Variants in MAMLD1 observed in about 807,000 individuals in gnomAD.
MAMLD1 encodes the protein mastermind-like domain-containing protein 1.
In MAMLD1, 14 loss-of-function variants were observed where a neutral mutation model predicts 45.0. The ratio of observed to expected loss-of-function variants is 0.31; its 90% confidence interval spans 0.21 to 0.49. MAMLD1 has a LOEUF of 0.49. MAMLD1 is among the 20% of genes least tolerant of loss of function. The pLI, the probability that MAMLD1 is intolerant of heterozygous loss-of-function variation, is 0.99. For synonymous variants in MAMLD1, 254 were observed against 247.8 expected (o/e 1.02, Z -0.24); for missense variants, 543 against 603.6 (o/e 0.90, Z 1.05).
intron 6 of MAMLD1, among the ~76,000 whole-genome samples, chrX:150,506,575 A>AT (rs1557408834): frequency 8.9e-6 from 1 of 112,028 alleles, no homozygotes; most frequent in Non-Finnish European, 1.9e-5. Flanking sequence ...ATCCAGGAAC[A>AT]TTTTGTGGGC....
intron 6 of MAMLD1, among the ~76,000 whole-genome samples, chrX:150,508,937 T>C (rs782201476): frequency 2.7e-5 from 3 of 111,672 alleles, no homozygotes; most frequent in South Asian, 7.6e-4. Context: ...GAGTCAGACC[T>C]GGATCCGAGT....
At chrX:150,482,298 C>T (rs111797197) in intron 5 of MAMLD1, among the ~76,000 whole-genome samples, 3 of 112,236 alleles carry the variant, frequency 2.7e-5, no homozygotes, top group Non-Finnish European at 5.6e-5. Context: ...CATGTGAGGT[C>T]CCTAGAGTAG....
At chrX:150,509,913 T>TGCAGGGAC (rs1557409037) in intron 6 of MAMLD1, 49 bp from the exon 7 acceptor site, 2 of 929,611 alleles carry the variant, frequency 2.2e-6, no homozygotes, top group Non-Finnish European at 3.1e-6. Context: ...TAAGGCTAAT[T>TGCAGGGAC]ATTAATTGGT....
intron 2 of MAMLD1, among the ~76,000 whole-genome samples, chrX:150,448,296 G>T (rs1225366615): frequency 9.0e-6 from 1 of 111,599 alleles, no homozygotes; most frequent in Non-Finnish European, 1.9e-5. Flanking sequence ...GCATTTTTGG[G>T]GCATTATCTC....
intron 1 of MAMLD1, among the ~76,000 whole-genome samples, chrX:150,381,044 T>C (rs2032581838): frequency 9.0e-6 from 1 of 111,016 alleles, no homozygotes; most frequent in Non-Finnish European, 1.9e-5. Flanking sequence ...CGCAGCCCCA[T>C]TTTACAAATG....
chrX:150,399,084 T>G (rs1174785935), intron 1 of MAMLD1, among the ~76,000 whole-genome samples: 1 of 111,775 alleles, frequency 8.9e-6, no homozygotes, highest in Non-Finnish European at 1.9e-5. Context: ...AGGAAGATGG[T>G]CAGAGCAGTG....
At chrX:150,393,183 AG>A (rs1398004418) in intron 1 of MAMLD1, among the ~76,000 whole-genome samples, 5 of 112,072 alleles carry the variant, frequency 4.5e-5, no homozygotes, top group African/African-American at 1.6e-4. Flanking sequence ...AATGTCATAT[AG>A]TCAGAATCAT....
chrX:150,383,806 G>T (rs782015289), intron 1 of MAMLD1, among the ~76,000 whole-genome samples: 2 of 110,849 alleles, frequency 1.8e-5, no homozygotes, highest in Non-Finnish European at 3.8e-5. Context: ...ATATGCTTTC[G>T]GTCTATATGG....
chrX:150,399,870 G>C (rs1253881895), intron 1 of MAMLD1, among the ~76,000 whole-genome samples: 1 of 112,267 alleles, frequency 8.9e-6, no homozygotes, highest in Non-Finnish European at 1.9e-5. Context: ...CAAATGGTGC[G>C]AAAGAACAAT....
At chrX:150,465,976 G>A (rs1201043436) in intron 3 of MAMLD1, among the ~76,000 whole-genome samples, 2 of 112,369 alleles carry the variant, frequency 1.8e-5, no homozygotes, top group African/African-American at 6.5e-5. Flanking sequence ...ATCTAAAATG[G>A]TGGCTGTGGG....
At chrX:150,487,445 C>T (rs1557407682) in intron 5 of MAMLD1, among the ~76,000 whole-genome samples, 1 of 112,232 alleles carries the variant, frequency 8.9e-6, no homozygotes, top group Non-Finnish European at 1.9e-5. Context: ...TCCCATCCTC[C>T]CCAACCCCAT....
rs781802555 is a variant in MAMLD1 at position 150,471,052 on chromosome X, A to ACAGCAGCAGCAG, written c.1494_1505dup (p.Gln499_Gln502dup). The ACAGCAGCAGCAG allele has an allele frequency of 8.3e-7, 1 of 1,209,460 alleles. No homozygotes were observed. On this transcript the variant is annotated inframe_insertion, in exon 4 of 8. Coordinates refer to ENST00000370401, the MANE Select transcript of MAMLD1 (RefSeq NM_005491.5). ...CCACCAGTAATCTTCTAAGCCAGCA[A>ACAGCAGCAGCAG]CAGCAGCAGCAGCAGCAGCAGCAGC...
intron 1 of MAMLD1, among the ~76,000 whole-genome samples, chrX:150,423,381 T>TGTGG (rs1265030968): frequency 9.3e-6 from 1 of 107,212 alleles, no homozygotes; most frequent in Non-Finnish European, 1.9e-5. Context: ...TGTGTGTGTG[T>TGTGG]GTGTTTGCAC....
chrX:150,381,347 T>C (rs1183079268), intron 1 of MAMLD1, among the ~76,000 whole-genome samples: 1 of 112,488 alleles, frequency 8.9e-6, no homozygotes, highest in Admixed American at 9.4e-5. Context: ...ATCCACCTTA[T>C]TCAGAGTTTA....
At chrX:150,481,372 C>A (rs782306004) in intron 5 of MAMLD1, among the ~76,000 whole-genome samples, 46 of 112,577 alleles carry the variant, frequency 4.1e-4, no homozygotes, top group African/African-American at 1.5e-3. Flanking sequence ...GAGAAAATAA[C>A]AAGTGATGGT....
At chrX:150,403,917 G>GAAAGAAGAAAGAA (rs2033891021) in intron 1 of MAMLD1, among the ~76,000 whole-genome samples, 2 of 84,996 alleles carry the variant, frequency 2.4e-5, no homozygotes, top group African/African-American at 4.8e-5. Context: ...GAAAGAAAAA[G>GAAAGAAGAAAGAA]AAAGAAAGAC....
At chrX:150,366,658 A>G (rs2031475367) in intron 1 of MAMLD1, among the ~76,000 whole-genome samples, 1 of 111,609 alleles carries the variant, frequency 9.0e-6, no homozygotes, top group Admixed American at 9.5e-5. Flanking sequence ...TGCATATTAA[A>G]TAGGATATTC....
chrX:150,372,211 G>A (rs782025039), intron 1 of MAMLD1, among the ~76,000 whole-genome samples: 10 of 112,277 alleles, frequency 8.9e-5, no homozygotes, highest in Non-Finnish European at 1.1e-4. Context: ...ATCTGAACTC[G>A]AAGTCTGGAA....
chrX:150,503,365 G>A lies in MAMLD1; in HGVS notation c.2132G>A (p.Ser711Asn). Residue 711 changes from serine to asparagine, a missense_variant, in exon 6 of 8, where the codon AGT (serine) becomes AAT (asparagine). Coordinates refer to ENST00000370401, the MANE Select transcript of MAMLD1 (RefSeq NM_005491.5). ...CCCCCGTCCTGCCAGGCCCTGGGGAGTGAGTCCTTCCTGCCCGGCAGCTCC... is the reference window on the plus strand; with the variant it reads ...CCCCCGTCCTGCCAGGCCCTGGGGAATGAGTCCTTCCTGCCCGGCAGCTCC... ...RQPPSCQALG[S>N]ESFLPGSSFA... 2 of 1,211,908 alleles carry A rather than the reference G, an allele frequency of 1.7e-6. No individual in the cohort carries two copies. The highest frequency in any genetic ancestry group is 2.2e-6 in the Non-Finnish European group (2 of 895,119).
Sources: allele counts gnomAD v4.1 joint callset (sites outside exome capture counted in the v4.1 genomes callset), GRCh38; gene constraint gnomAD v4.1.1; transcripts MANE v1.5; gene names NCBI Gene and HGNC (gene_info 2026-07-23, HGNC 2026-07-21).